The following MBD3 variants were observed in gnomAD, a reference collection of about 807,000 sequenced individuals.
The protein encoded by MBD3 is methyl-CpG-binding domain protein 3.
Under a neutral mutation model 31.2 loss-of-function variants are expected in MBD3, and 13 were observed. That is an observed-to-expected ratio of 0.42 (90% CI 0.27 to 0.66). The LOEUF (loss-of-function observed/expected upper bound fraction) is 0.66. Among genes scored for constraint, MBD3 ranks in the 30% least tolerant of loss-of-function variants. The pLI is 0.26. For synonymous variants in MBD3, 223 were observed against 187.4 expected (o/e 1.19, Z -1.55); for missense variants, 440 against 426.5 (o/e 1.03, Z -0.28).
chr19:1,587,774 G>C (rs1060801), intron 1 of MBD3, among the ~76,000 whole-genome samples: 17 of 152,132 alleles, frequency 1.1e-4, no homozygotes, highest in Non-Finnish European at 2.1e-4. Context: ...TACTAGGCCA[G>C]GTACCTCAAA....
chr19:1,578,130 G>C lies in MBD3; in HGVS notation c.*34C>G. 1 of 769,938 alleles carries C rather than the reference G, an allele frequency of 1.3e-6. No individual in the cohort carries two copies. The highest frequency in any genetic ancestry group is 2.0e-6 in the Non-Finnish European group (1 of 489,228). 47.7% of individuals were successfully genotyped at this position (769,938 alleles called of 1,614,324 possible). ...AGGACCGCGTCTGCAGGCGGCTCCA[G>C]CAGGCAGCACGGGCTCTCGGCAGGG... On this transcript the variant is annotated 3_prime_UTR_variant, in exon 7 of 7. Coordinates refer to ENST00000434436, the MANE Select transcript of MBD3 (RefSeq NM_001281453.2). The surrounding 1 kb of genome is among the most constrained non-coding windows in gnomAD (Gnocchi z 6.1).
At chr19:1,587,076 C>G (rs1431073828) in intron 1 of MBD3, among the ~76,000 whole-genome samples, 1 of 151,876 alleles carries the variant, frequency 6.6e-6, no homozygotes, top group Non-Finnish European at 1.5e-5. Context: ...CACCATTCTC[C>G]TGACTCAGCC....
chr19:1,587,535 C>T (rs1221730670), intron 1 of MBD3, among the ~76,000 whole-genome samples: 1 of 152,126 alleles, frequency 6.6e-6, no homozygotes, highest in Admixed American at 6.6e-5. Flanking sequence ...CTGCCTTGGC[C>T]TCCTGAGGAG....
chr19:1,580,605 C>A (rs550982356), intron 5 of MBD3, among the ~76,000 whole-genome samples: 1 of 152,380 alleles, frequency 6.6e-6, no homozygotes, highest in Non-Finnish European at 1.5e-5. Flanking sequence ...GAAGTGGGTT[C>A]GGCCCTGAGG....
Position 1,585,389 on chromosome 19 carries a change from C to A in MBD3, c.111-175G>T. ...AGGCCCTGGCCCCAGCCCCAGACCC[C>A]AACCCTGGCGTGACCCCAGACCTTC... On this transcript the variant is annotated intron_variant, in intron 1 of 6. Coordinates refer to ENST00000434436, the MANE Select transcript of MBD3 (RefSeq NM_001281453.2). The surrounding 1 kb of genome is among the most constrained non-coding windows in gnomAD (Gnocchi z 4.1). 1 of 668,766 alleles carries A rather than the reference C, an allele frequency of 1.5e-6. No individual in the cohort carries two copies. Among genetic ancestry groups the A allele is most frequent in the Non-Finnish European group, 2.5e-6 (1 of 398,238 alleles). The allele number at this position is 668,766 out of a possible 1,614,324, so 41.4% of individuals were successfully genotyped here.
At position 1,589,287 on chromosome 19, in the gene MBD3, C is replaced by A. The variant is rs191772042; in HGVS notation, c.110+3235G>T. On this transcript the variant is annotated intron_variant, in intron 1 of 6. Transcript: ENST00000434436. The stretch of plus-strand genomic sequence containing the variant: ...TGGAGGTCGCAGTGAGCCCAGATTG[C>A]AGCATTGCACTGCAACATTGCACTC... Among the ~76,000 whole-genome samples, 3 of 140,870 alleles carry A rather than the reference C, an allele frequency of 2.1e-5. No individual in the cohort carries two copies. In the East Asian group the frequency reaches 6.3e-4, roughly 30 times the overall value. 92.4% of individuals were successfully genotyped at this position (140,870 alleles called of 152,430 possible).
chr19:1,589,002 G>A (rs2060691730), intron 1 of MBD3, among the ~76,000 whole-genome samples: 1 of 152,012 alleles, frequency 6.6e-6, no homozygotes, highest in African/African-American at 2.4e-5. Context: ...TTAAATGACT[G>A]TATTGTATGG....
At position 1,578,428 on chromosome 19, in the gene MBD3, T is replaced by C; in HGVS notation, c.788A>G (p.Asp263Gly). ...GTCGTCGTCCTCAGCGCAGGCCTTGTCCAGCGGCGCCTCCCCGTCACGGGC... is the reference window on the plus strand; with the variant it reads ...GTCGTCGTCCTCAGCGCAGGCCTTGCCCAGCGGCGCCTCCCCGTCACGGGC... ...ELARDGEAPLDKACAEDDDEE... is the reference protein window; with the variant it reads ...ELARDGEAPLGKACAEDDDEE... The change falls in exon 6 of 7, where the codon GAC becomes GGC. Residue 263 changes from aspartate (D) to glycine (G), a missense_variant. Around this residue, in one of 3 missense-constraint regions of MBD3, gnomAD observed 117 missense variants for 95.0 expected, o/e 1.23. Coordinates refer to ENST00000434436, the MANE Select transcript of MBD3 (RefSeq NM_001281453.2). This position sits in a 1 kb window ranked among gnomAD's most constrained non-coding sequence, Gnocchi z 6.1. 1 of 1,605,710 alleles carries C rather than the reference T, an allele frequency of 6.2e-7. No homozygotes were observed. Among genetic ancestry groups the C allele is most frequent in the Non-Finnish European group, 8.5e-7 (1 of 1,179,756 alleles).
In MBD3 at chr19:1,585,136, G is replaced by A. The variant is rs772069241; in HGVS notation, c.189C>T (p.Asp63=). The A allele has an allele frequency of 1.9e-6, 3 of 1,611,782 alleles. No homozygotes were observed. The highest frequency in any genetic ancestry group is 2.5e-6 in the Non-Finnish European group (3 of 1,179,492). The change falls in exon 2 of 7, where the codon GAC becomes GAT. Residue 63 remains aspartate, a synonymous_variant. Coordinates refer to ENST00000434436, the MANE Select transcript of MBD3 (RefSeq NM_001281453.2). This position sits in a 1 kb window ranked among gnomAD's most constrained non-coding sequence, Gnocchi z 4.1. ...TCATCAGCATCTTGCCCGTGCGGAA[G>A]TCGAAGGTGCTCAGGTCCATGGAGC... ...LGGSMDLSTF[D]FRTGKMLMSK... is the part of the protein sequence containing the mutation.
rs2060673144 is a variant in MBD3, at chr19:1,585,169, G to A, written c.156C>T (p.Tyr52=). Residue 52 remains tyrosine (Y), a synonymous_variant, in exon 2 of 7, where the codon TAC becomes TAT. Coordinates refer to ENST00000434436, the MANE Select transcript of MBD3 (RefSeq NM_001281453.2). This position sits in a 1 kb window ranked among gnomAD's most constrained non-coding sequence, Gnocchi z 4.1. Reference sequence around the variant, plus strand: ...TGCTCAGGTCCATGGAGCCGCCCAGGTAGCGCGCCAGCTGCGGCTTGCTGC... The same window carrying A: ...TGCTCAGGTCCATGGAGCCGCCCAGATAGCGCGCCAGCTGCGGCTTGCTGC... The part of the protein sequence containing the change: ...KFRSKPQLAR[Y]LGGSMDLSTF... The A allele has an allele frequency of 6.2e-7, 1 of 1,608,680 alleles. No individual in the cohort carries two copies. The highest frequency in any genetic ancestry group is 1.1e-5 in the South Asian group (1 of 91,028).
intron 1 of MBD3, among the ~76,000 whole-genome samples, chr19:1,590,278 A>G (rs971791780): frequency 2.6e-5 from 4 of 152,144 alleles, no homozygotes; most frequent in African/African-American, 9.7e-5. Context: ...GGCCTGGGCC[A>G]AGAGTGAAAC....
rs2060713458 is a variant in MBD3, at chr19:1,592,847, G to GGGCCCGCTCCGCCCACCCGCCCGCGC, written c.-217_-216insGCGCGGGCGGGTGGGCGGAGCGGGCC. Reference sequence around the variant, plus strand: ...CCGCGCTCGCCAGCCCCCGCTCGGGGGGCCCGCTCCGCCCACCCGCCCGCG... The same window carrying GGGCCCGCTCCGCCCACCCGCCCGCGC: ...CCGCGCTCGCCAGCCCCCGCTCGGGGGGCCCGCTCCGCCCACCCGCCCGCGCGGCCCGCTCCGCCCACCCGCCCGCG... On this transcript the variant is annotated 5_prime_UTR_variant, in exon 1 of 7. Coordinates refer to ENST00000434436, the MANE Select transcript of MBD3 (RefSeq NM_001281453.2). 6.8e-6 allele frequency: 1 copy of GGGCCCGCTCCGCCCACCCGCCCGCGC among 147,174 alleles called. No homozygotes were observed. The highest frequency in any genetic ancestry group is 6.8e-5 in the Admixed American group (1 of 14,804). 9.1% of individuals were successfully genotyped at this position (147,174 alleles called of 1,614,324 possible).
chr19:1,589,360 A>AAT (rs1187773743), intron 1 of MBD3, among the ~76,000 whole-genome samples: 1 of 149,272 alleles, frequency 6.7e-6, no homozygotes, highest in Non-Finnish European at 1.5e-5. Context: ...AAAAAAAAAA[A>AAT]AAAAAAAAGA....
At chr19:1,587,000 C>T (rs1427874984) in intron 1 of MBD3, among the ~76,000 whole-genome samples, 1 of 149,494 alleles carries the variant, frequency 6.7e-6, no homozygotes, top group Non-Finnish European at 1.5e-5. Flanking sequence ...GAGTCTCGCT[C>T]TGTCACCCAG....
Position 1,575,016 on chromosome 19 carries a change from A to C in MBD3, c.*3148T>G. Reference sequence around the variant, plus strand: ...CCGTGTGGCTGGGCCGAGGGCTGGGAGGTGCATCCTCGCCACGGGGGTCCT... The same window carrying C: ...CCGTGTGGCTGGGCCGAGGGCTGGGCGGTGCATCCTCGCCACGGGGGTCCT... On this transcript the variant is annotated 3_prime_UTR_variant, in exon 7 of 7. Transcript: ENST00000434436. The C allele has an allele frequency of 2.8e-6, 1 of 357,600 alleles. No homozygotes were observed. Among genetic ancestry groups the C allele is most frequent in the African/African-American group, 2.2e-5 (1 of 46,422 alleles). The allele number at this position is 357,600 out of a possible 1,614,324, so 22.2% of individuals were successfully genotyped here.
intron 2 of MBD3, 177 bp from the exon 3 acceptor site, chr19:1,584,854 G>C: frequency 1.0e-6 from 1 of 991,546 alleles, no homozygotes; most frequent in Non-Finnish European, 1.4e-6. Flanking sequence ...GCCGGCTCTG[G>C]AACGCCCGCC....
intron 1 of MBD3, among the ~76,000 whole-genome samples, chr19:1,588,632 T>C (rs1294801011): frequency 1.3e-5 from 2 of 150,770 alleles, no homozygotes; most frequent in African/African-American, 4.9e-5. Flanking sequence ...ATACAAAAAA[T>C]TGGCCGGGCA....
At chr19:1,581,347 GCC>G in intron 4 of MBD3, 78 bp from the exon 5 acceptor site, 1 of 1,471,810 alleles carries the variant, frequency 6.8e-7, no homozygotes, top group East Asian at 2.4e-5. Flanking sequence ...CCACGGAAAT[GCC>G]CCAAGAATGG....
chr19:1,579,100 C>G (rs1042004164), intron 5 of MBD3, among the ~76,000 whole-genome samples: 6 of 142,934 alleles, frequency 4.2e-5, no homozygotes, highest in Non-Finnish European at 9.0e-5. Context: ...AGGAGAATCA[C>G]TTGAACCCGG....
Sources: allele counts gnomAD v4.1 joint callset (sites outside exome capture counted in the v4.1 genomes callset), GRCh38; gene constraint gnomAD v4.1.1; regional missense constraint gnomAD v4.1.1; non-coding constraint Gnocchi (gnomAD v3.1); transcripts MANE v1.5; gene names NCBI Gene and HGNC (gene_info 2026-07-23, HGNC 2026-07-21).